Variants in EDC3 observed in about 807,000 individuals in gnomAD.
EDC3 encodes the protein enhancer of mRNA-decapping protein 3.
A neutral mutation model predicts 41.8 loss-of-function variants in EDC3; 20 were observed. That is an observed-to-expected ratio of 0.48 (90% CI 0.34 to 0.70). The LOEUF (loss-of-function observed/expected upper bound fraction) is 0.70, where lower values mean the gene tolerates loss of function less well. Among genes scored for constraint, EDC3 ranks in the 30% least tolerant of loss-of-function variants. The pLI, the probability that EDC3 is intolerant of heterozygous loss-of-function variation, is 0.01. For missense variants in EDC3, 444 were observed against 636.8 expected (o/e 0.70, Z 3.26); for synonymous variants, 206 against 243.2 (o/e 0.85, Z 1.42).
rs878864520 is a variant in EDC3, at chr15:74,656,154, T to A, written c.485-86A>T. ...AAATACATTAGTCTTTTGTGGAGAG[T>A]GTTACAGGAACCAATGTGAAAATGG... is the stretch of plus-strand genomic sequence containing the variant. On this transcript the variant is annotated intron_variant, in intron 3 of 6. Coordinates refer to ENST00000315127, the MANE Select transcript of EDC3 (RefSeq NM_025083.5). 7.1e-6 allele frequency: 9 copies of A among 1,271,130 alleles called. No homozygotes were observed. The South Asian group carries it at 1.3e-4, about 18-fold the overall frequency. The allele number at this position is 1,271,130 out of a possible 1,614,324, so 78.7% of individuals were successfully genotyped here. A position where few individuals can be genotyped will look rare whatever the true frequency, so the allele number is the denominator to read the frequency against.
At chr15:74,676,363 T>C (rs1487313860) in intron 1 of EDC3, among the ~76,000 whole-genome samples, 2 of 151,984 alleles carry the variant, frequency 1.3e-5, no homozygotes, top group Admixed American at 1.3e-4. Flanking sequence ...CAGATTAACC[T>C]GATGTTAATA....
intron 4 of EDC3, among the ~76,000 whole-genome samples, chr15:74,652,917 C>T (rs1382409079): frequency 4.6e-5 from 7 of 152,060 alleles, no homozygotes; most frequent in African/African-American, 9.7e-5. Context: ...TGGTGGCTGA[C>T]GCCTGTAATC....
rs1358061344 is a variant in EDC3 at position 74,640,714 on chromosome 15, T to G, written c.821-95A>C. 2.7e-6 allele frequency: 4 copies of G among 1,497,802 alleles called. No individual in the cohort carries two copies. The African/African-American group carries it at 5.5e-5, about 21-fold the overall frequency. The allele number at this position is 1,497,802 out of a possible 1,614,324, so 92.8% of individuals were successfully genotyped here. A position where few individuals can be genotyped will look rare whatever the true frequency, so the allele number is the denominator to read the frequency against. On this transcript the variant is annotated intron_variant, in intron 4 of 6. Coordinates refer to ENST00000315127, the MANE Select transcript of EDC3 (RefSeq NM_025083.5). The stretch of plus-strand genomic sequence containing the variant: ...TCCAAGATTCTGCAAATGCCAACAT[T>G]TTACCATGGATCACCCCTGGCCCAT...
At position 74,671,421 on chromosome 15, in the gene EDC3, G is replaced by T. The variant is rs377587628; in HGVS notation, c.484+34C>A. 22 of 1,588,332 alleles carry T rather than the reference G, an allele frequency of 1.4e-5. No homozygotes were observed. The African/African-American group carries it at 2.0e-4, about 15-fold the overall frequency. On this transcript the variant is annotated intron_variant, in intron 3 of 6. Coordinates refer to ENST00000315127, the MANE Select transcript of EDC3 (RefSeq NM_025083.5). The surrounding 1 kb of genome is among the most constrained non-coding windows in gnomAD (Gnocchi z 4.6). ...TATGGCTTATAGCCCTGAAACACCA[G>T]ATTGAGAAGAAATATCAACTTGACC...
At chr15:74,648,562 G>A (rs2062443569) in intron 4 of EDC3, among the ~76,000 whole-genome samples, 1 of 152,168 alleles carries the variant, frequency 6.6e-6, no homozygotes, top group African/African-American at 2.4e-5. Flanking sequence ...AACCAGAACT[G>A]CCTTTTCCAA....
At chr15:74,636,180 G>C (rs1468067068) in intron 5 of EDC3, 1 of 156,610 alleles carries the variant, frequency 6.4e-6, no homozygotes, top group Admixed American at 6.1e-5. Flanking sequence ...CTCACAGCAA[G>C]TACCATAGCT....
intron 3 of EDC3, among the ~76,000 whole-genome samples, chr15:74,659,823 G>A (rs2062600102): frequency 6.6e-6 from 1 of 152,040 alleles, no homozygotes; most frequent in African/African-American, 2.4e-5. Context: ...GAGGTGGGCG[G>A]ATCATGAGGT....
At chr15:74,670,789 C>A (rs995025186) in intron 3 of EDC3, among the ~76,000 whole-genome samples, 11 of 152,126 alleles carry the variant, frequency 7.2e-5, no homozygotes, top group Admixed American at 2.0e-4. Flanking sequence ...TCAAACAAAA[C>A]TGGGCAGCAA....
intron 1 of EDC3, among the ~76,000 whole-genome samples, chr15:74,683,276 TG>T (rs1196447787): frequency 6.6e-6 from 1 of 152,176 alleles, no homozygotes; most frequent in African/African-American, 2.4e-5. Flanking sequence ...GGCTGATGCC[TG>T]TAATCCCAGC....
intron 3 of EDC3, among the ~76,000 whole-genome samples, chr15:74,658,962 C>T (rs2062587131): frequency 1.3e-5 from 2 of 151,850 alleles, no homozygotes; most frequent in Admixed American, 1.3e-4. Context: ...AAAAACAAAA[C>T]ACTAAGGCTG....
chr15:74,656,324 G>A (rs971100496), intron 3 of EDC3, among the ~76,000 whole-genome samples: 14 of 152,004 alleles, frequency 9.2e-5, no homozygotes, highest in Admixed American at 6.6e-5. Flanking sequence ...AGGATCGCTT[G>A]TGCCTAGGAG....
At chr15:74,659,487 A>AATATATATATATATATAT (rs10601683) in intron 3 of EDC3, among the ~76,000 whole-genome samples, 444 of 141,956 alleles carry the variant, frequency 3.1e-3, no homozygotes, top group African/African-American at 0.011. Flanking sequence ...AAAAAATAGA[A>AATATATATATATATATAT]ATATATATAT....
At chr15:74,695,588 C>G (rs971286565) in intron 1 of EDC3, 6 of 152,298 alleles carry the variant, frequency 3.9e-5, no homozygotes, top group Non-Finnish European at 8.8e-5. Context: ...AGCCAAAGAA[C>G]TGCAGCAGCC....
rs2062589192 is a variant in EDC3 at position 74,659,100 on chromosome 15, A to G, written c.485-3032T>C. Among the ~76,000 whole-genome samples, 3 of 152,342 alleles carry G rather than the reference A, an allele frequency of 2.0e-5. No homozygotes were observed. The South Asian group carries it at 6.2e-4, about 32-fold the overall frequency. Reference sequence around the variant, plus strand: ...ATAATTTGATGAAGCACTCTGTGAGAGCACACTTATGCCATAGCTAGGTGC... The same window carrying G: ...ATAATTTGATGAAGCACTCTGTGAGGGCACACTTATGCCATAGCTAGGTGC... On this transcript the variant is annotated intron_variant, in intron 3 of 6. Coordinates refer to ENST00000315127, the MANE Select transcript of EDC3 (RefSeq NM_025083.5).
At chr15:74,673,470 A>G (rs1048185109) in intron 2 of EDC3, among the ~76,000 whole-genome samples, 2 of 152,154 alleles carry the variant, frequency 1.3e-5, no homozygotes, top group African/African-American at 2.4e-5. Context: ...TGCATTTAAG[A>G]TATCTTGTGG....
intron 6 of EDC3, among the ~76,000 whole-genome samples, chr15:74,633,434 T>C (rs1203684040): frequency 6.6e-6 from 1 of 152,248 alleles, no homozygotes; most frequent in Admixed American, 6.5e-5. Flanking sequence ...AGCATGCTTA[T>C]TCTATTCCAG....
At position 74,640,480 on chromosome 15, in the gene EDC3, G is replaced by A. The variant is rs139490114; in HGVS notation, c.960C>T (p.Leu320=). The change falls in exon 5 of 7, where the codon CTC becomes CTT. Residue 320 remains leucine (L), a synonymous_variant. Transcript: ENST00000315127. ...TAGACATTTACCTGTTAGGTCCTCC[G>A]AGGAGGGTCAGTGCCATCTGACTGG... ...VCASQMALTL[L]GGPNRLNPKN... is the part of the protein sequence containing the mutation. The A allele has an allele frequency of 5.6e-6, 9 of 1,613,986 alleles. No homozygotes were observed. In the South Asian group the frequency reaches 7.7e-5, roughly 14 times the overall value.
chr15:74,692,109 G>T (rs1038751756), intron 1 of EDC3, among the ~76,000 whole-genome samples: 1 of 152,120 alleles, frequency 6.6e-6, no homozygotes, highest in East Asian at 1.9e-4. Flanking sequence ...GTGAGCCACC[G>T]CACCCGGCCA....
At chr15:74,693,848 G>A (rs1431550459) in intron 1 of EDC3, among the ~76,000 whole-genome samples, 2 of 152,140 alleles carry the variant, frequency 1.3e-5, no homozygotes, top group Non-Finnish European at 2.9e-5. Flanking sequence ...GCCAGGCGTG[G>A]TGGTGCATGC....
Sources: gnomAD v4.1 joint callset for allele counts (sites outside exome capture counted in the v4.1 genomes callset) on GRCh38, gnomAD v4.1.1 for gene constraint, Gnocchi (gnomAD v3.1) non-coding constraint, MANE v1.5 for transcripts, NCBI Gene and HGNC (gene_info 2026-07-23, HGNC 2026-07-21) for gene names.